The following PARD3 variants were observed in gnomAD, a reference collection of about 807,000 sequenced individuals.
The protein encoded by PARD3 is par-3 family cell polarity regulator, also known as partitioning defective 3 homolog.
Under a neutral mutation model 155.4 loss-of-function variants are expected in PARD3, and 75 were observed. The observed-to-expected ratio is 0.48, with a 90% confidence interval of 0.40 to 0.58. The LOEUF (loss-of-function observed/expected upper bound fraction) is 0.58. Among genes scored for constraint, PARD3 ranks in the 20% least tolerant of loss-of-function variants. The probability of loss-of-function intolerance (pLI) is 0.00; values close to 1 mark genes in which losing one functional copy is unlikely to be tolerated. For missense variants in PARD3, 1,642 were observed against 1,721.7 expected, an observed-to-expected ratio of 0.95 and a Z score of 0.82; for synonymous variants, 576 against 610.5, an observed-to-expected ratio of 0.94 and a Z score of 0.83.
At chr10:34,692,228 A>C (rs2094077416) in intron 2 of PARD3, among the ~76,000 whole-genome samples, 1 of 20,208 alleles carries the variant, frequency 4.9e-5, no homozygotes, top group African/African-American at 2.1e-4. Flanking sequence ...GCGAGACTTC[A>C]TTTCAAAAAA....
At chr10:34,147,002 C>T (rs1473286355) in intron 22 of PARD3, among the ~76,000 whole-genome samples, 1 of 151,960 alleles carries the variant, frequency 6.6e-6, no homozygotes, top group East Asian at 1.9e-4. Context: ...TACTGAAAGC[C>T]TTTTTTGTTT....
chr10:34,814,013 G>A (rs1290915827), intron 1 of PARD3, among the ~76,000 whole-genome samples: 1 of 152,184 alleles, frequency 6.6e-6, no homozygotes. Context: ...AATGTTATCA[G>A]TCCACCAGGA....
intron 22 of PARD3, among the ~76,000 whole-genome samples, chr10:34,203,814 T>A (rs1031895627): frequency 2.0e-5 from 3 of 152,200 alleles, no homozygotes; most frequent in Non-Finnish European, 4.4e-5. Context: ...GTTCTATTGA[T>A]CTGTCAATGC....
chr10:34,541,424 C>T (rs1023554461), intron 2 of PARD3, among the ~76,000 whole-genome samples: 2 of 152,174 alleles, frequency 1.3e-5, no homozygotes, highest in African/African-American at 4.8e-5. Context: ...GAAGGGACAA[C>T]AAAACTCTCT....
rs116019544 is a variant in PARD3 at position 34,432,824 on chromosome 10, A to G, written c.714+17493T>C. 6.3e-3 allele frequency among the ~76,000 whole-genome samples: 958 copies of G among 152,324 alleles called. 9 individuals are homozygous for G. Among genetic ancestry groups the G allele is most frequent in the African/African-American group, 0.022 (912 of 41,582 alleles). Reference sequence around the variant, plus strand: ...GAACAGGAAGAGGAACTAAAGTAACATAAAAGTTCACCAAGGAAGAGCATG... The same window carrying G: ...GAACAGGAAGAGGAACTAAAGTAACGTAAAAGTTCACCAAGGAAGAGCATG... On this transcript the variant is annotated intron_variant, in intron 5 of 24. Transcript: ENST00000374788.
chr10:34,363,003 T>C (rs539718208), intron 12 of PARD3, among the ~76,000 whole-genome samples: 1 of 152,342 alleles, frequency 6.6e-6, no homozygotes, highest in African/African-American at 2.4e-5. Context: ...AAAAGCTACA[T>C]TTGAAAAAAT....
chr10:34,219,327 A>G (rs922414363), intron 22 of PARD3, among the ~76,000 whole-genome samples: 8 of 152,352 alleles, frequency 5.3e-5, no homozygotes, highest in Admixed American at 4.6e-4. Flanking sequence ...AAACTCCATT[A>G]GCAGAAAGAA....
chr10:34,328,064 T>C (rs1187593829), intron 19 of PARD3, among the ~76,000 whole-genome samples: 2 of 152,192 alleles, frequency 1.3e-5, no homozygotes, highest in Non-Finnish European at 2.9e-5. Flanking sequence ...CCAGCCTTCT[T>C]TCCAAAGCTG....
At chr10:34,336,376 A>C in intron 17 of PARD3, 133 bp from the exon 18 acceptor site, 2 of 626,572 alleles carry the variant, frequency 3.2e-6, no homozygotes, top group Non-Finnish European at 5.6e-6. Flanking sequence ...TGAAACATCA[A>C]GCAAACATTC....
At chr10:34,455,856 C>T (rs1825531628) in intron 4 of PARD3, among the ~76,000 whole-genome samples, 1 of 152,192 alleles carries the variant, frequency 6.6e-6, no homozygotes, top group Admixed American at 6.5e-5. Context: ...TGCAAACCAA[C>T]TTCCTATGTG....
At chr10:34,551,199 T>A (rs2084527129) in intron 2 of PARD3, among the ~76,000 whole-genome samples, 1 of 152,090 alleles carries the variant, frequency 6.6e-6, no homozygotes, top group Non-Finnish European at 1.5e-5. Context: ...CATCCGTATG[T>A]CAAAGGGGTA....
Position 34,805,970 on chromosome 10 carries a change from C to A in PARD3, c.120+8906G>T, listed in dbSNP as rs1588847911. Among the ~76,000 whole-genome samples, 5 of 151,792 alleles carry A rather than the reference C, an allele frequency of 3.3e-5. 1 individual carries two copies. The highest frequency in any genetic ancestry group is 1.2e-4 in the African/African-American group (5 of 41,448). ...CCAGCCTGGGCGACAGAGCGAGACT[C>A]CGTCTCAAAAAGACAAAAAAAAAGG... On this transcript the variant is annotated intron_variant, in intron 1 of 24. Coordinates refer to ENST00000374788, the MANE Select transcript of PARD3 (RefSeq NM_001184785.2).
chr10:34,229,313 G>A (rs1467398979), intron 22 of PARD3, among the ~76,000 whole-genome samples: 2 of 152,022 alleles, frequency 1.3e-5, no homozygotes, highest in Non-Finnish European at 2.9e-5. Context: ...TGAACTCCTG[G>A]GCTCAAGCAA....
chr10:34,679,181 T>C (rs1466436995), intron 2 of PARD3, among the ~76,000 whole-genome samples: 2 of 151,896 alleles, frequency 1.3e-5, no homozygotes, highest in African/African-American at 4.8e-5. Context: ...AGGTGGAAAA[T>C]AGGGGAACAC....
chr10:34,383,089 T>A (rs1192646445), intron 8 of PARD3, among the ~76,000 whole-genome samples, 167 bp from the exon 9 acceptor site: 1 of 152,226 alleles, frequency 6.6e-6, no homozygotes, highest in East Asian at 1.9e-4. Context: ...AGCTCTGATC[T>A]ATCAATAGCT....
At position 34,214,558 on chromosome 10, in the gene PARD3, C is replaced by T. The variant is rs147550289; in HGVS notation, c.3419+55099G>A. ...ATAAATGAAAAGAAGTGGCTGATGC[C>T]TCTAATTCCACCACTTCGGGAGCTC... is the stretch of plus-strand genomic sequence containing the variant. On this transcript the variant is annotated intron_variant, in intron 22 of 24. Transcript: ENST00000374788. 2.6e-4 allele frequency among the ~76,000 whole-genome samples: 39 copies of T among 152,146 alleles called. No homozygotes were observed. The East Asian group carries it at 6.6e-3, about 26-fold the overall frequency.
At chr10:34,745,631 C>A (rs1835214109) in intron 1 of PARD3, among the ~76,000 whole-genome samples, 2 of 152,124 alleles carry the variant, frequency 1.3e-5, no homozygotes, top group Admixed American at 1.3e-4. Context: ...GCAATGTGGA[C>A]AGGCCTTCTA....
intron 1 of PARD3, among the ~76,000 whole-genome samples, chr10:34,713,671 T>C (rs1003879934): frequency 2.0e-5 from 3 of 151,758 alleles, no homozygotes; most frequent in African/African-American, 7.3e-5. Flanking sequence ...GAGGCTGAGG[T>C]AGGAGGATCG....
At chr10:34,635,013 T>A (rs2092417299) in intron 2 of PARD3, among the ~76,000 whole-genome samples, 1 of 152,212 alleles carries the variant, frequency 6.6e-6, no homozygotes, top group Non-Finnish European at 1.5e-5. Flanking sequence ...CCCCAAATAG[T>A]CACTGTGTTT....
Sources: gnomAD v4.1 joint callset for allele counts (sites outside exome capture counted in the v4.1 genomes callset) on GRCh38, gnomAD v4.1.1 for gene constraint, MANE v1.5 for transcripts, NCBI Gene and HGNC (gene_info 2026-07-23, HGNC 2026-07-21) for gene names.